Variants in VIRMA observed in about 807,000 individuals in gnomAD.
VIRMA encodes protein virilizer homolog.
In VIRMA, 65 loss-of-function variants were observed where a neutral mutation model predicts 182.4. That is an observed-to-expected ratio of 0.36 (90% CI 0.29 to 0.44). The LOEUF is 0.44. Among genes scored for constraint, VIRMA ranks in the 20% least tolerant of loss-of-function variants. The pLI, the probability that VIRMA is intolerant of heterozygous loss-of-function variation, is 1.00. For missense variants in VIRMA, 1,752 were observed against 2,158.1 expected, an observed-to-expected ratio of 0.81 and a Z score of 3.73; for synonymous variants, 709 against 743.1, an observed-to-expected ratio of 0.95 and a Z score of 0.75.
intron 13 of VIRMA, 186 bp from the exon 14 acceptor site, chr8:94,510,838 G>C (rs1054139174): frequency 1.3e-6 from 1 of 777,292 alleles, no homozygotes; most frequent in African/African-American, 1.7e-5. Flanking sequence ...ATTGTTCTCA[G>C]GTTAGCAGTT....
intron 13 of VIRMA, 86 bp downstream of exon 13, chr8:94,511,099 G>C (rs764046250): frequency 4.0e-6 from 6 of 1,517,364 alleles, no homozygotes; most frequent in African/African-American, 1.4e-5. Context: ...GGGAGATGAG[G>C]GTTTTTGTTT....
chr8:94,535,048 G>A, intron 4 of VIRMA, 41 bp from the exon 5 acceptor site: 1 of 1,544,646 alleles, frequency 6.5e-7, no homozygotes, highest in Non-Finnish European at 8.7e-7. Flanking sequence ...TCAAAGTCAT[G>A]TTTTAAAATG....
rs1195989349 is a variant in VIRMA, at chr8:94,529,214, CTTG to C, written c.733_735del (p.Gln245del). The C allele has an allele frequency of 1.3e-6, 2 of 1,529,312 alleles. No homozygotes were observed. Among genetic ancestry groups the C allele is most frequent in the African/African-American group, 2.7e-5 (2 of 73,150 alleles). The allele number at this position is 1,529,312 out of a possible 1,614,324, so 94.7% of individuals were successfully genotyped here. A position where few individuals can be genotyped will look rare whatever the true frequency, so the allele number is the denominator to read the frequency against. On this transcript the variant is annotated inframe_deletion, in exon 7 of 24. Coordinates refer to ENST00000297591, the MANE Select transcript of VIRMA (RefSeq NM_015496.5). ...TCATCTTCATCTTCTTCTCCTTCTT[CTTG>C]TTGTTCCTCTTCTACTTCTCCTTCA...
chr8:94,507,904 T>TATATATGTATATATATGA, intron 15 of VIRMA, among the ~76,000 whole-genome samples: 1 of 149,274 alleles, frequency 6.7e-6, no homozygotes, highest in African/African-American at 2.5e-5. Context: ...TATATATATG[T>TATATATGTATATATATGA]ATATATGTAT....
chr8:94,534,058 G>A (rs578002701), intron 5 of VIRMA: 5 of 152,312 alleles, frequency 3.3e-5, no homozygotes, highest in African/African-American at 9.6e-5. Context: ...GATTAACACT[G>A]GAGTGAGGAG....
intron 22 of VIRMA, 69 bp from the exon 23 acceptor site, chr8:94,490,151 T>G: frequency 2.7e-6 from 4 of 1,496,100 alleles, no homozygotes; most frequent in Non-Finnish European, 3.6e-6. Flanking sequence ...AAGTGACAGA[T>G]TTTTCTTAAT....
chr8:94,517,000 C>T (rs996658946), intron 10 of VIRMA, among the ~76,000 whole-genome samples: 5 of 152,132 alleles, frequency 3.3e-5, no homozygotes, highest in African/African-American at 1.2e-4. Flanking sequence ...CTTGTCAAGG[C>T]TGCCCACATA....
At position 94,553,382 on chromosome 8, in the gene VIRMA, T is replaced by C; in HGVS notation, c.63+3A>G. 1 of 1,614,076 alleles carries C rather than the reference T, an allele frequency of 6.2e-7. No homozygotes were observed. Among genetic ancestry groups the C allele is most frequent in the Non-Finnish European group, 8.5e-7 (1 of 1,179,916 alleles). ...GCGTCAGAATCAAGTCGCCAAGCCTTACCTCAGCGCTCGGGTGTTTAAAAG... is the reference window on the plus strand; with the variant it reads ...GCGTCAGAATCAAGTCGCCAAGCCTCACCTCAGCGCTCGGGTGTTTAAAAG... On this transcript the variant is annotated splice_donor_region_variant and intron_variant, in intron 1 of 23. Transcript: ENST00000297591.
At position 94,543,954 on chromosome 8, in the gene VIRMA, A is replaced by C; in HGVS notation, c.64-12T>G. 1.4e-6 allele frequency: 2 copies of C among 1,470,450 alleles called. No homozygotes were observed. The highest frequency in any genetic ancestry group is 1.7e-4 in the Middle Eastern group (1 of 5,718). 91.1% of individuals were successfully genotyped at this position (1,470,450 alleles called of 1,614,324 possible). ...ATATGAGAACTTTGCTGTAACAAAA[A>C]AAAAGCCGGAGGGGGAGGGGTTCGG... On this transcript the variant is annotated splice_polypyrimidine_tract_variant and intron_variant, in intron 1 of 23. Transcript: ENST00000297591.
At chr8:94,490,756 A>C (rs527569486) in intron 22 of VIRMA, among the ~76,000 whole-genome samples, 1 of 152,200 alleles carries the variant, frequency 6.6e-6, no homozygotes, top group Admixed American at 6.5e-5. Context: ...TTGAAGCAGG[A>C]GAATCGCTTA....
rs745403041 is a variant in VIRMA, at chr8:94,517,905, C to T, written c.2551G>A (p.Ala851Thr). The change falls in exon 10 of 24, where the codon GCA becomes ACA. Residue 851 changes from alanine to threonine, a missense_variant. Physicochemically the swap from Ala to Thr is moderately conservative, Grantham distance 58. Transcript: ENST00000297591. ...KSKKSVAYNY[A>T]CILILVVVQS... The stretch of plus-strand genomic sequence containing the variant: ...ACCACCACCAAAATAAGTATGCATG[C>T]GTAATTATAAGCTACTGACTTCTTA... 16 of 1,612,128 alleles carry T rather than the reference C, an allele frequency of 9.9e-6. No individual in the cohort carries two copies. Among genetic ancestry groups the T allele is most frequent in the Admixed American group, 5.0e-5 (3 of 59,992 alleles).
chr8:94,541,665 C>T (rs1446582341), intron 2 of VIRMA, among the ~76,000 whole-genome samples: 1 of 152,074 alleles, frequency 6.6e-6, no homozygotes, highest in African/African-American at 2.4e-5. Context: ...CCTCAGCCTC[C>T]TGAGTAGCTG....
At chr8:94,533,248 A>G (rs564686414) in intron 5 of VIRMA, among the ~76,000 whole-genome samples, 5 of 152,212 alleles carry the variant, frequency 3.3e-5, no homozygotes, top group African/African-American at 1.2e-4. Flanking sequence ...CAGGTAAGAT[A>G]TAAGAAAAGT....
chr8:94,509,789 A>T lies in VIRMA; in HGVS notation c.3778T>A (p.Phe1260Ile). The T allele has an allele frequency of 6.2e-7, 1 of 1,614,054 alleles. No homozygotes were observed. Among genetic ancestry groups the T allele is most frequent in the Non-Finnish European group, 8.5e-7 (1 of 1,179,944 alleles). ...IKGDERYAEI[F>I]QDLLALVRSP... Reference sequence around the variant, plus strand: ...CGCACCAAAGCTAAAAGATCCTGGAATATCTCTGCATATCTTTCATCACCT... The same window carrying T: ...CGCACCAAAGCTAAAAGATCCTGGATTATCTCTGCATATCTTTCATCACCT... The change falls in exon 15 of 24, where the codon TTC becomes ATC. Residue 1260 changes from phenylalanine (F) to isoleucine (I), a missense_variant. Transcript: ENST00000297591.
chr8:94,526,744 C>T lies in VIRMA; in HGVS notation c.1500G>A (p.Lys500=), dbSNP rs537095172. 27 of 1,613,936 alleles carry T rather than the reference C, an allele frequency of 1.7e-5. No individual in the cohort carries two copies. In the South Asian group the frequency reaches 3.0e-4, roughly 18 times the overall value. ...LFADHVSSSL[K]LNAFKALDSV... Reference sequence around the variant, plus strand: ...TGTCCAAAGCTTTAAAAGCATTTAACTTAAGAGAAGATGATACGTGATCAG... The same window carrying T: ...TGTCCAAAGCTTTAAAAGCATTTAATTTAAGAGAAGATGATACGTGATCAG... Residue 500 remains lysine (K), a synonymous_variant, in exon 8 of 24, where the codon AAG becomes AAA. Transcript: ENST00000297591.
chr8:94,520,980 A>C (rs1473547346), intron 8 of VIRMA, among the ~76,000 whole-genome samples: 2 of 151,976 alleles, frequency 1.3e-5, no homozygotes, highest in South Asian at 4.1e-4. Flanking sequence ...AATTCTCTGG[A>C]CTCAAGTGAT....
chr8:94,547,039 T>G (rs779564463), intron 1 of VIRMA: 1 of 455,278 alleles, frequency 2.2e-6, no homozygotes, highest in South Asian at 1.5e-5. Flanking sequence ...AACTTTCTCT[T>G]GAAAGCTGAG....
At chr8:94,528,416 T>A (rs1815048035) in intron 7 of VIRMA, among the ~76,000 whole-genome samples, 1 of 152,144 alleles carries the variant, frequency 6.6e-6, no homozygotes, top group Non-Finnish European at 1.5e-5. Flanking sequence ...GATTCTGAAA[T>A]GACATTCATT....
chr8:94,492,780 A>G lies in VIRMA; in HGVS notation c.4680T>C (p.Cys1560=). 6.2e-7 allele frequency: 1 copy of G among 1,613,928 alleles called. No homozygotes were observed. Among genetic ancestry groups the G allele is most frequent in the Non-Finnish European group, 8.5e-7 (1 of 1,179,878 alleles). Residue 1560 remains cysteine (C), a synonymous_variant, in exon 21 of 24, where the codon TGT becomes TGC. Coordinates refer to ENST00000297591, the MANE Select transcript of VIRMA (RefSeq NM_015496.5). ...VDLIELSEKC[C]SDFDLHSELE... ...ATTCTGAGTGCAAATCAAAGTCACTACAGCATTTTTCAGAGAGTTCAATTA... is the reference window on the plus strand; with the variant it reads ...ATTCTGAGTGCAAATCAAAGTCACTGCAGCATTTTTCAGAGAGTTCAATTA...
Sources: allele counts gnomAD v4.1 joint callset (sites outside exome capture counted in the v4.1 genomes callset), GRCh38; gene constraint gnomAD v4.1.1; transcripts MANE v1.5; gene names NCBI Gene and HGNC (gene_info 2026-07-23, HGNC 2026-07-21).